Variants in ANKS1B observed in about 807,000 individuals in gnomAD.
The protein encoded by ANKS1B is ankyrin repeat and sterile alpha motif domain-containing protein 1B.
Under a neutral mutation model 148.3 loss-of-function variants are expected in ANKS1B, and 36 were observed. The observed-to-expected ratio is 0.24, with a 90% CI of 0.19 to 0.32. The LOEUF (loss-of-function observed/expected upper bound fraction) is 0.32, where lower values mean the gene tolerates loss of function less well. Among genes scored for constraint, ANKS1B ranks in the 10% least tolerant of loss-of-function variants. The probability of loss-of-function intolerance (pLI) is 1.00; values close to 1 mark genes in which losing one functional copy is unlikely to be tolerated. For missense variants in ANKS1B, 1,157 were observed against 1,542.6 expected (o/e 0.75, Z 4.19); for synonymous variants, 542 against 560.8 (o/e 0.97, Z 0.47).
At chr12:99,133,033 C>CT (rs1377616944) in intron 15 of ANKS1B, among the ~76,000 whole-genome samples, 2 of 139,466 alleles carry the variant, frequency 1.4e-5, no homozygotes, top group African/African-American at 2.7e-5. Flanking sequence ...TTTTTTTTTT[C>CT]TTTTTTTTCT....
At position 99,210,967 on chromosome 12, in the gene ANKS1B, C is replaced by T. The variant is rs146312359; in HGVS notation, c.2419+33375G>A. Among the ~76,000 whole-genome samples the T allele has an allele frequency of 1.5e-4, 23 of 152,280 alleles. No individual in the cohort carries two copies. In the East Asian group the frequency reaches 2.3e-3, roughly 15 times the overall value. ...AATGGTCTCTATTCAGCTATTCAGTCGGTGTATAACACTAATCACGGTTTT... is the reference window on the plus strand; with the variant it reads ...AATGGTCTCTATTCAGCTATTCAGTTGGTGTATAACACTAATCACGGTTTT... On this transcript the variant is annotated intron_variant, in intron 14 of 26. Coordinates refer to ENST00000683438, the MANE Select transcript of ANKS1B (RefSeq NM_001352186.2).
At chr12:99,020,443 A>G (rs1184593809) in intron 17 of ANKS1B, among the ~76,000 whole-genome samples, 1 of 152,176 alleles carries the variant, frequency 6.6e-6, no homozygotes, top group Non-Finnish European at 1.5e-5. Context: ...CACTGACAGA[A>G]TCTTTGGCTG....
At chr12:99,221,298 C>A (rs1433746272) in intron 14 of ANKS1B, among the ~76,000 whole-genome samples, 2 of 152,090 alleles carry the variant, frequency 1.3e-5, no homozygotes, top group Non-Finnish European at 2.9e-5. Context: ...CAAGATCATG[C>A]TACTGCACTC....
chr12:99,641,716 AATG>A (rs1485319733), intron 9 of ANKS1B, among the ~76,000 whole-genome samples: 12 of 152,220 alleles, frequency 7.9e-5, no homozygotes, highest in African/African-American at 2.9e-4. Flanking sequence ...TCAATATCAA[AATG>A]ATATCAATTG....
At chr12:99,894,285 A>AAGGAAGGG (rs1452165798) in intron 1 of ANKS1B, among the ~76,000 whole-genome samples, 46 of 56,862 alleles carry the variant, frequency 8.1e-4, no homozygotes, top group Admixed American at 4.5e-3. Flanking sequence ...GGAAGGAAGG[A>AAGGAAGGG]AGGAAGGGAG....
At chr12:98,742,043 C>T (rs546776422), downstream of ANKS1B, among the ~76,000 whole-genome samples, 1 of 151,976 alleles carries the variant, frequency 6.6e-6, no homozygotes, top group South Asian at 2.1e-4. Context: ...TAAAATCTGA[C>T]TCCATCTCTT....
At chr12:99,763,995 G>A (rs902256196) in intron 8 of ANKS1B, among the ~76,000 whole-genome samples, 2 of 152,096 alleles carry the variant, frequency 1.3e-5, no homozygotes, top group African/African-American at 2.4e-5. Flanking sequence ...AGAAACTGGC[G>A]AGGTATTCAT....
intron 17 of ANKS1B, among the ~76,000 whole-genome samples, chr12:98,924,762 G>T (rs1171657942): frequency 6.6e-6 from 1 of 152,180 alleles, no homozygotes; most frequent in Non-Finnish European, 1.5e-5. Flanking sequence ...AATCAAGGCT[G>T]TCTTCTTCTG....
chr12:98,990,634 G>T (rs961068950), intron 17 of ANKS1B, among the ~76,000 whole-genome samples: 1 of 151,874 alleles, frequency 6.6e-6, no homozygotes, highest in Non-Finnish European at 1.5e-5. Flanking sequence ...TCCAATAAGG[G>T]AATCTGATCC....
intron 14 of ANKS1B, among the ~76,000 whole-genome samples, chr12:99,186,070 T>A (rs2079803449): frequency 6.6e-6 from 1 of 152,166 alleles, no homozygotes; most frequent in South Asian, 2.1e-4. Context: ...GGGCGTCCGC[T>A]ATGACTGAGG....
chr12:99,962,423 G>A (rs1247613776), intron 1 of ANKS1B, among the ~76,000 whole-genome samples: 1 of 152,140 alleles, frequency 6.6e-6, no homozygotes, highest in African/African-American at 2.4e-5. Context: ...TGGTGCATAT[G>A]TACCACATTT....
At chr12:99,821,639 C>T (rs1488724) in intron 2 of ANKS1B, among the ~76,000 whole-genome samples, 92,548 of 151,716 alleles carry the variant, frequency 0.61, 28,448 homozygotes, top group South Asian at 0.67. Context: ...AAGTGCTTAC[C>T]TACCAATGCC....
At chr12:99,411,686 T>G (rs1205577540) in intron 11 of ANKS1B, among the ~76,000 whole-genome samples, 1 of 152,224 alleles carries the variant, frequency 6.6e-6, no homozygotes, top group African/African-American at 2.4e-5. Flanking sequence ...AAATGTCACC[T>G]TTATCATATA....
At chr12:99,215,572 T>A (rs2084033842) in intron 14 of ANKS1B, among the ~76,000 whole-genome samples, 1 of 152,230 alleles carries the variant, frequency 6.6e-6, no homozygotes, top group Non-Finnish European at 1.5e-5. Context: ...AGCCCACCTC[T>A]TGTATCAGTG....
intron 14 of ANKS1B, among the ~76,000 whole-genome samples, chr12:99,158,632 C>A (rs1265825242): frequency 1.3e-5 from 2 of 152,136 alleles, no homozygotes; most frequent in Non-Finnish European, 2.9e-5. Flanking sequence ...AAAAACCAAC[C>A]ATCAAAGTCT....
intron 11 of ANKS1B, among the ~76,000 whole-genome samples, chr12:99,419,575 T>G (rs1316548573): frequency 6.6e-6 from 1 of 152,184 alleles, no homozygotes; most frequent in African/African-American, 2.4e-5. Context: ...AAAATATTAA[T>G]AAAAGCTTAT....
At chr12:99,901,092 TA>T (rs1455126638) in intron 1 of ANKS1B, among the ~76,000 whole-genome samples, 2 of 152,126 alleles carry the variant, frequency 1.3e-5, no homozygotes, top group African/African-American at 2.4e-5. Context: ...AATCACGAGT[TA>T]AAAAAATAGA....
At chr12:99,765,354 T>A (rs1310284901) in intron 8 of ANKS1B, among the ~76,000 whole-genome samples, 1 of 151,916 alleles carries the variant, frequency 6.6e-6, no homozygotes, top group African/African-American at 2.4e-5. Context: ...TGTTTACTGA[T>A]TTTTTTAGTA....
intron 17 of ANKS1B, among the ~76,000 whole-genome samples, chr12:99,023,410 TGAA>T (rs1391310484): frequency 6.6e-6 from 1 of 152,138 alleles, no homozygotes; most frequent in East Asian, 1.9e-4. Context: ...ATAAATCCTT[TGAA>T]GACACTGAAT....
Sources: allele counts gnomAD v4.1 joint callset (sites outside exome capture counted in the v4.1 genomes callset), GRCh38; gene constraint gnomAD v4.1.1; transcripts MANE v1.5; gene names NCBI Gene and HGNC (gene_info 2026-07-23, HGNC 2026-07-21).